ONECUT2: variants seen among roughly 807,000 people sequenced by gnomAD.
ONECUT2 encodes one cut domain family member 2.
Under a neutral mutation model 27.9 loss-of-function variants are expected in ONECUT2, and 10 were observed. The observed-to-expected ratio is 0.36, with a 90% confidence interval of 0.22 to 0.61. The LOEUF (loss-of-function observed/expected upper bound fraction) is 0.61. ONECUT2 is among the 20% of genes least tolerant of loss of function. The probability of loss-of-function intolerance (pLI) is 0.73; values close to 1 mark genes in which losing one functional copy is unlikely to be tolerated. For synonymous variants in ONECUT2, 334 were observed against 315.1 expected (o/e 1.06, Z -0.64); for missense variants, 686 against 721.0 (o/e 0.95, Z 0.56).
rs2050440124 is a variant in ONECUT2, at chr18:57,486,656, G to A, written c.*9933G>A. ...TTTATACGTTTTAGGTTGTGCTTTT[G>A]TAATAGATGAAAAAAGGTGCGCTTA... is the stretch of plus-strand genomic sequence containing the variant. On this transcript the variant is annotated 3_prime_UTR_variant, in exon 2 of 2. Coordinates refer to ENST00000491143, the MANE Select transcript of ONECUT2 (RefSeq NM_004852.3). The A allele has an allele frequency of 6.6e-6, 1 of 152,568 alleles. No homozygotes were observed. Among genetic ancestry groups the A allele is most frequent in the South Asian group, 2.1e-4 (1 of 4,828 alleles). The allele number at this position is 152,568 out of a possible 1,614,324, so 9.5% of individuals were successfully genotyped here. A position where few individuals can be genotyped will look rare whatever the true frequency, so the allele number is the denominator to read the frequency against.
intron 1 of ONECUT2, among the ~76,000 whole-genome samples, chr18:57,451,096 C>A (rs1257675328): frequency 6.6e-6 from 1 of 152,164 alleles, no homozygotes; most frequent in East Asian, 1.9e-4. Context: ...AAACTAAGAT[C>A]ATTTATTTGC....
rs548280863 is a variant in ONECUT2 at position 57,482,786 on chromosome 18, C to T, written c.*6063C>T. On this transcript the variant is annotated 3_prime_UTR_variant, in exon 2 of 2. Transcript: ENST00000491143. ...CAAGTGTGTACAGACAAGCTTCATA[C>T]GTATATACTGTAATCCGTTACAACA... 3.2e-4 allele frequency: 49 copies of T among 152,260 alleles called. No homozygotes were observed. Among genetic ancestry groups the T allele is most frequent in the African/African-American group, 1.0e-3 (42 of 41,528 alleles). The allele number at this position is 152,260 out of a possible 1,614,324, so 9.4% of individuals were successfully genotyped here.
intron 1 of ONECUT2, among the ~76,000 whole-genome samples, chr18:57,464,076 G>A (rs964062271): frequency 1.3e-5 from 2 of 151,500 alleles, no homozygotes; most frequent in African/African-American, 4.8e-5. Context: ...AAAGAAGTAT[G>A]GAGTCACACT....
At chr18:57,453,854 A>G (rs2050244415) in intron 1 of ONECUT2, among the ~76,000 whole-genome samples, 1 of 152,186 alleles carries the variant, frequency 6.6e-6, no homozygotes, top group South Asian at 2.1e-4. Context: ...TTTGGAAACA[A>G]GACATAGGAA....
intron 1 of ONECUT2, among the ~76,000 whole-genome samples, chr18:57,449,001 G>T (rs1229527987): frequency 6.6e-6 from 1 of 152,220 alleles, no homozygotes; most frequent in African/African-American, 2.4e-5. Flanking sequence ...CAAGGGACAA[G>T]AGTGAATTCT....
rs1036268900 is a variant in ONECUT2 at position 57,488,614 on chromosome 18, A to G, written c.*11891A>G. The G allele has an allele frequency of 2.0e-5, 3 of 152,684 alleles. No homozygotes were observed. The highest frequency in any genetic ancestry group is 2.9e-5 in the Non-Finnish European group (2 of 68,046). 9.5% of individuals were successfully genotyped at this position (152,684 alleles called of 1,614,324 possible). A position where few individuals can be genotyped will look rare whatever the true frequency, so the allele number is the denominator to read the frequency against. The stretch of plus-strand genomic sequence containing the variant: ...AAAGTGGTATGTTGAATCAAGTGTA[A>G]GCTGAGTTTTCCAGACAACTGAAGT... On this transcript the variant is annotated 3_prime_UTR_variant, in exon 2 of 2. Coordinates refer to ENST00000491143, the MANE Select transcript of ONECUT2 (RefSeq NM_004852.3).
chr18:57,454,578 G>A (rs1207609499), intron 1 of ONECUT2, among the ~76,000 whole-genome samples: 2 of 152,136 alleles, frequency 1.3e-5, no homozygotes, highest in Non-Finnish European at 1.5e-5. Flanking sequence ...AAGGGTATAT[G>A]GCACCTGGTA....
chr18:57,439,605 G>T (rs1459587511), intron 1 of ONECUT2, among the ~76,000 whole-genome samples: 2 of 152,204 alleles, frequency 1.3e-5, no homozygotes, highest in Admixed American at 1.3e-4. Context: ...TGCTCGGAGC[G>T]CTAGGGGACA....
chr18:57,483,784 G>T lies in ONECUT2; in HGVS notation c.*7061G>T, dbSNP rs2050426843. Reference sequence around the variant, plus strand: ...ACAATTTTTAAATTATTTAACTTAAGTTCGCAGCCCCACCTGGTACCAGGC... The same window carrying T: ...ACAATTTTTAAATTATTTAACTTAATTTCGCAGCCCCACCTGGTACCAGGC... On this transcript the variant is annotated 3_prime_UTR_variant, in exon 2 of 2. Transcript: ENST00000491143. 6.6e-6 allele frequency: 1 copy of T among 152,562 alleles called. No individual in the cohort carries two copies. Among genetic ancestry groups the T allele is most frequent in the Non-Finnish European group, 1.5e-5 (1 of 68,022 alleles). The allele number at this position is 152,562 out of a possible 1,614,324, so 9.5% of individuals were successfully genotyped here.
At chr18:57,455,346 G>A (rs1361038960) in intron 1 of ONECUT2, among the ~76,000 whole-genome samples, 2 of 152,128 alleles carry the variant, frequency 1.3e-5, no homozygotes, top group Non-Finnish European at 1.5e-5. Context: ...ATATTTTGAA[G>A]CCATGGGCCA....
intron 1 of ONECUT2, among the ~76,000 whole-genome samples, chr18:57,475,742 C>T (rs772562669): frequency 2.0e-5 from 3 of 152,172 alleles, no homozygotes; most frequent in Non-Finnish European, 4.4e-5. Context: ...GGGCTTCTTC[C>T]CCCACCCTCA....
chr18:57,476,177 G>A (rs1020217210), intron 1 of ONECUT2, among the ~76,000 whole-genome samples: 2 of 152,146 alleles, frequency 1.3e-5, no homozygotes, highest in South Asian at 4.1e-4. Flanking sequence ...GATGTAAAAG[G>A]GAAAGACAAC....
At chr18:57,455,038 G>A (rs574555496) in intron 1 of ONECUT2, among the ~76,000 whole-genome samples, 1 of 152,308 alleles carries the variant, frequency 6.6e-6, no homozygotes, top group South Asian at 2.1e-4. Flanking sequence ...GGTTTGGGGG[G>A]CCTTATCAGA....
In ONECUT2 at chr18:57,476,986, C is replaced by T; in HGVS notation, c.*263C>T. The T allele has an allele frequency of 2.1e-6, 1 of 470,380 alleles. No homozygotes were observed. The highest frequency in any genetic ancestry group is 5.8e-4 in the Middle Eastern group (1 of 1,724). 29.1% of individuals were successfully genotyped at this position (470,380 alleles called of 1,614,324 possible). ...GACACTGTTCTCTGAGCATGCTAAG[C>T]ATCCCAGAAACCCAAATGGGGCCTT... On this transcript the variant is annotated 3_prime_UTR_variant, in exon 2 of 2. Transcript: ENST00000491143.
chr18:57,476,792 GAA>G lies in ONECUT2; in HGVS notation c.*73_*74del. The G allele has an allele frequency of 6.6e-7, 1 of 1,519,294 alleles. No homozygotes were observed. Among genetic ancestry groups the G allele is most frequent in the Admixed American group, 2.1e-5 (1 of 47,690 alleles). The allele number at this position is 1,519,294 out of a possible 1,614,324, so 94.1% of individuals were successfully genotyped here. ...CAACAGATACCAAAAGAAAACAAAG[GAA>G]AAAGACACCGGATTCCTAGCTGGGG... On this transcript the variant is annotated 3_prime_UTR_variant, in exon 2 of 2. Coordinates refer to ENST00000491143, the MANE Select transcript of ONECUT2 (RefSeq NM_004852.3).
In ONECUT2 at chr18:57,490,443, T is replaced by G. The variant is rs1184116694; in HGVS notation, c.*13720T>G. On this transcript the variant is annotated 3_prime_UTR_variant, in exon 2 of 2. Coordinates refer to ENST00000491143, the MANE Select transcript of ONECUT2 (RefSeq NM_004852.3). ...TTCTATACTGTTGACTGCTTGATGG[T>G]ATTGAAAGGTGACTATAATGAGGGA... is the stretch of plus-strand genomic sequence containing the variant. 1 of 152,212 alleles carries G rather than the reference T, an allele frequency of 6.6e-6. No individual in the cohort carries two copies. Among genetic ancestry groups the G allele is most frequent in the Admixed American group, 6.5e-5 (1 of 15,276 alleles). The allele number at this position is 152,212 out of a possible 1,614,324, so 9.4% of individuals were successfully genotyped here.
At chr18:57,451,972 T>C (rs2144312992) in intron 1 of ONECUT2, among the ~76,000 whole-genome samples, 1 of 152,292 alleles carries the variant, frequency 6.6e-6, no homozygotes, top group East Asian at 1.9e-4. Flanking sequence ...TTTTCTTTGT[T>C]TGTTTGTTTT....
In ONECUT2 at chr18:57,472,154, G is replaced by A. The variant is rs766048231; in HGVS notation, c.1229-4283G>A. ...ATGCCACTGGAACACCTGCTGTTTC[G>A]TTGGGTTTCTATCGCATCCTTGGGT... On this transcript the variant is annotated intron_variant, in intron 1 of 1. Coordinates refer to ENST00000491143, the MANE Select transcript of ONECUT2 (RefSeq NM_004852.3). Among the ~76,000 whole-genome samples the A allele has an allele frequency of 8.5e-5, 13 of 152,232 alleles. No homozygotes were observed. The South Asian group carries it at 1.0e-3, about 12-fold the overall frequency.
intron 1 of ONECUT2, among the ~76,000 whole-genome samples, chr18:57,474,865 G>T (rs1427953755): frequency 1.3e-5 from 2 of 152,130 alleles, no homozygotes; most frequent in African/African-American, 4.8e-5. Flanking sequence ...AGCACCCTGG[G>T]TGCCAGTCTT....
Sources: gnomAD v4.1 joint callset for allele counts (sites outside exome capture counted in the v4.1 genomes callset) on GRCh38, gnomAD v4.1.1 for gene constraint, MANE v1.5 for transcripts, NCBI Gene and HGNC (gene_info 2026-07-23, HGNC 2026-07-21) for gene names.